COBL: variants seen among roughly 807,000 people sequenced by gnomAD.
COBL encodes the protein protein cordon-bleu.
COBL carries 51 observed loss-of-function variants against 98.8 expected under a neutral mutation model. That is an observed-to-expected ratio of 0.52 (90% CI 0.41 to 0.65). The LOEUF (loss-of-function observed/expected upper bound fraction) is 0.65, where lower values mean the gene tolerates loss of function less well. Among genes scored for constraint, COBL ranks in the 30% least tolerant of loss-of-function variants. The probability of loss-of-function intolerance (pLI) is 0.00; values close to 1 mark genes in which losing one functional copy is unlikely to be tolerated. For synonymous variants in COBL, 634 were observed against 651.7 expected (o/e 0.97, Z 0.41); for missense variants, 1,617 against 1,617.5 (o/e 1.00, Z 0.01).
intron 5 of COBL, among the ~76,000 whole-genome samples, chr7:51,146,098 A>T (rs1037436159): frequency 3.3e-5 from 5 of 152,234 alleles, no homozygotes; most frequent in African/African-American, 1.2e-4. Flanking sequence ...ATGATTTCAT[A>T]TGCATGGGTT....
chr7:51,174,522 A>T (rs960323841), intron 5 of COBL, among the ~76,000 whole-genome samples: 7 of 152,232 alleles, frequency 4.6e-5, no homozygotes, highest in African/African-American at 1.7e-4. Flanking sequence ...AGAGGCAGTG[A>T]AATGCACATC....
chr7:51,095,951 A>G (rs1795234555), intron 6 of COBL, among the ~76,000 whole-genome samples: 1 of 152,198 alleles, frequency 6.6e-6, no homozygotes, highest in Non-Finnish European at 1.5e-5. Flanking sequence ...GGATATTTCA[A>G]TGCTCCACTT....
chr7:51,207,309 T>C (rs138074706), intron 2 of COBL, among the ~76,000 whole-genome samples: 183 of 152,000 alleles, frequency 1.2e-3, no homozygotes, highest in African/African-American at 4.2e-3. Flanking sequence ...TAACAAGCGA[T>C]TACAGATCAC....
At position 51,101,828 on chromosome 7, in the gene COBL, C is replaced by T. The variant is rs117473050; in HGVS notation, c.958-16524G>A. Among the ~76,000 whole-genome samples the T allele has an allele frequency of 7.2e-3, 1,098 of 152,244 alleles. 7 individuals are homozygous for T. The highest frequency in any genetic ancestry group is 0.037 in the Middle Eastern group (11 of 294). On this transcript the variant is annotated intron_variant, in intron 6 of 12. Coordinates refer to ENST00000265136, the MANE Select transcript of COBL (RefSeq NM_015198.5). ...GCATGCAGCTAGCCCTTTTCCTTCC[C>T]GCAACCAGGAAATCTAGTGCCTTCT... is the stretch of plus-strand genomic sequence containing the variant.
intron 1 of COBL, among the ~76,000 whole-genome samples, chr7:51,263,753 G>T (rs1360154896): frequency 2.0e-5 from 3 of 152,182 alleles, no homozygotes; most frequent in African/African-American, 7.2e-5. Context: ...AGCCAGACTG[G>T]TTTTATTGGA....
intron 3 of COBL, among the ~76,000 whole-genome samples, chr7:51,191,867 T>C (rs939135526): frequency 3.3e-5 from 5 of 152,152 alleles, no homozygotes; most frequent in African/African-American, 1.2e-4. Flanking sequence ...TAAATGTAGA[T>C]TGAACAAAAG....
chr7:51,190,791 G>A (rs1410789631), intron 4 of COBL, 59 bp downstream of exon 4: 19 of 1,390,618 alleles, frequency 1.4e-5, no homozygotes, highest in Non-Finnish European at 1.7e-5. Flanking sequence ...CAGGGGACAT[G>A]TACACGCCGC....
At chr7:51,133,420 G>A (rs1197225601) in intron 6 of COBL, among the ~76,000 whole-genome samples, 1 of 152,184 alleles carries the variant, frequency 6.6e-6, no homozygotes, top group Non-Finnish European at 1.5e-5. Context: ...AAAATTCAGA[G>A]CCAGCAGCTG....
intron 6 of COBL, among the ~76,000 whole-genome samples, chr7:51,108,722 G>T (rs775970267): frequency 2.0e-5 from 3 of 152,132 alleles, no homozygotes; most frequent in Non-Finnish European, 2.9e-5. Context: ...GCAGGAGCCA[G>T]CTCTCAGACA....
chr7:51,175,078 C>G (rs1788242266), intron 5 of COBL, among the ~76,000 whole-genome samples: 1 of 152,220 alleles, frequency 6.6e-6, no homozygotes, highest in Non-Finnish European at 1.5e-5. Context: ...CCTGGGCTGC[C>G]CTTTCCACTG....
chr7:51,203,498 T>A (rs1791365266), intron 2 of COBL, among the ~76,000 whole-genome samples: 3 of 141,924 alleles, frequency 2.1e-5, no homozygotes, highest in Admixed American at 7.0e-5. Flanking sequence ...CTTGGCTGCA[T>A]TAAAAAAAGA....
chr7:51,158,789 G>A (rs1272436874), intron 5 of COBL, among the ~76,000 whole-genome samples: 1 of 152,184 alleles, frequency 6.6e-6, no homozygotes, highest in Non-Finnish European at 1.5e-5. Flanking sequence ...AGATGAGCGC[G>A]ATGCTGGGAC....
chr7:51,170,155 A>AT (rs1002423745), intron 5 of COBL, among the ~76,000 whole-genome samples: 11 of 151,638 alleles, frequency 7.3e-5, no homozygotes, highest in African/African-American at 2.4e-4. Context: ...GATTCATTCG[A>AT]TTTTTTTTCC....
chr7:51,304,318 C>G (rs1005660169), intron 1 of COBL, among the ~76,000 whole-genome samples: 3 of 152,214 alleles, frequency 2.0e-5, no homozygotes, highest in Admixed American at 2.0e-4. Flanking sequence ...GGATGGGAGT[C>G]ACCATTCATT....
intron 1 of COBL, among the ~76,000 whole-genome samples, chr7:51,239,578 CTT>C: frequency 6.6e-6 from 1 of 152,312 alleles, no homozygotes; most frequent in East Asian, 1.9e-4. Flanking sequence ...AGTAGCCATT[CTT>C]TTGTTTCTTT....
intron 1 of COBL, among the ~76,000 whole-genome samples, chr7:51,252,081 T>C (rs543453960): frequency 1.5e-4 from 23 of 152,330 alleles, no homozygotes; most frequent in African/African-American, 5.5e-4. Flanking sequence ...CAGCTTTTTT[T>C]TTCAATCCAG....
chr7:51,086,039 T>C (rs1400189473), intron 6 of COBL, among the ~76,000 whole-genome samples: 5 of 152,226 alleles, frequency 3.3e-5, no homozygotes, highest in Admixed American at 3.3e-4. Flanking sequence ...CTGTTTTGTC[T>C]GTAAAATTGA....
At chr7:51,271,228 C>CTGAT (rs1398582818) in intron 1 of COBL, among the ~76,000 whole-genome samples, 1 of 152,228 alleles carries the variant, frequency 6.6e-6, no homozygotes, top group Admixed American at 6.5e-5. Context: ...CAAATATCTG[C>CTGAT]TGATTCCTGA....
chr7:51,146,789 T>A (rs900405247), intron 5 of COBL, among the ~76,000 whole-genome samples: 1 of 152,080 alleles, frequency 6.6e-6, no homozygotes, highest in African/African-American at 2.4e-5. Context: ...ATACGGGATA[T>A]TCCCTCACTT....
Sources: allele counts gnomAD v4.1 joint callset (sites outside exome capture counted in the v4.1 genomes callset), GRCh38; gene constraint gnomAD v4.1.1; transcripts MANE v1.5; gene names NCBI Gene and HGNC (gene_info 2026-07-23, HGNC 2026-07-21).